The following ANKS1B variants were observed in gnomAD, a reference collection of about 807,000 sequenced individuals.
ANKS1B encodes ankyrin repeat and sterile alpha motif domain containing 1B, also known as ankyrin repeat and sterile alpha motif domain-containing protein 1B.
ANKS1B carries 36 observed loss-of-function variants against 148.3 expected under a neutral mutation model. That is an observed-to-expected ratio of 0.24 (90% CI 0.19 to 0.32). The LOEUF (loss-of-function observed/expected upper bound fraction) is 0.32. Ranked by LOEUF, ANKS1B falls within the 10% of genes least tolerant of loss-of-function variation. ANKS1B has a pLI of 1.00. For missense variants in ANKS1B, 1,157 were observed against 1,542.6 expected, an observed-to-expected ratio of 0.75 and a Z score of 4.19; for synonymous variants, 542 against 560.8, an observed-to-expected ratio of 0.97 and a Z score of 0.47.
chr12:99,729,893 T>C (rs769668484), intron 8 of ANKS1B, among the ~76,000 whole-genome samples: 8 of 152,252 alleles, frequency 5.3e-5, no homozygotes, highest in African/African-American at 7.2e-5. Flanking sequence ...TTTTTGCATA[T>C]AAGTTTGTCA....
At chr12:99,883,537 T>C (rs2092650432) in intron 1 of ANKS1B, among the ~76,000 whole-genome samples, 1 of 151,784 alleles carries the variant, frequency 6.6e-6, no homozygotes, top group Admixed American at 6.6e-5. Flanking sequence ...TTTTGATAAA[T>C]TGGACATCAT....
intron 8 of ANKS1B, among the ~76,000 whole-genome samples, chr12:99,766,713 T>C (rs551960246): frequency 2.0e-4 from 31 of 152,284 alleles, no homozygotes; most frequent in South Asian, 4.1e-4. Context: ...CTTTTGAACA[T>C]TGTATACCAC....
intron 8 of ANKS1B, among the ~76,000 whole-genome samples, chr12:99,711,989 A>G (rs2056701903): frequency 6.6e-6 from 1 of 152,210 alleles, no homozygotes; most frequent in Non-Finnish European, 1.5e-5. Context: ...TATGCTACCT[A>G]TACACCATGG....
intron 15 of ANKS1B, among the ~76,000 whole-genome samples, chr12:99,095,467 TGA>T (rs1158416406): frequency 1.1e-4 from 16 of 152,144 alleles, no homozygotes; most frequent in African/African-American, 3.9e-4. Context: ...TCAGAGAAGG[TGA>T]CAGCGATGGG....
At chr12:98,978,508 C>T (rs1421198531) in intron 17 of ANKS1B, among the ~76,000 whole-genome samples, 2 of 151,882 alleles carry the variant, frequency 1.3e-5, no homozygotes, top group African/African-American at 4.8e-5. Flanking sequence ...GTGTGTTTAT[C>T]TTGCTTGAGG....
intron 1 of ANKS1B, among the ~76,000 whole-genome samples, chr12:99,877,692 G>A (rs780700150): frequency 2.0e-4 from 31 of 152,090 alleles, no homozygotes; most frequent in Non-Finnish European, 3.2e-4. Context: ...GGGGCTTTTC[G>A]GCTTCTCAAA....
At chr12:99,001,971 T>C (rs762679128) in intron 17 of ANKS1B, among the ~76,000 whole-genome samples, 7 of 152,222 alleles carry the variant, frequency 4.6e-5, no homozygotes, top group Non-Finnish European at 7.3e-5. Flanking sequence ...TTGTTGCAAA[T>C]GGCAGGATTT....
At chr12:99,023,194 A>G (rs980098609) in intron 17 of ANKS1B, among the ~76,000 whole-genome samples, 1 of 152,064 alleles carries the variant, frequency 6.6e-6, no homozygotes, top group African/African-American at 2.4e-5. Context: ...CTTGATTTAC[A>G]TGGCCAATGT....
chr12:99,642,949 A>G (rs942914080), intron 9 of ANKS1B, among the ~76,000 whole-genome samples: 1 of 152,104 alleles, frequency 6.6e-6, no homozygotes, highest in Non-Finnish European at 1.5e-5. Flanking sequence ...TTTCCTCATC[A>G]TATCACACTA....
intron 17 of ANKS1B, among the ~76,000 whole-genome samples, chr12:98,901,162 C>T (rs543521760): frequency 9.9e-5 from 15 of 152,202 alleles, no homozygotes; most frequent in African/African-American, 3.1e-4. Flanking sequence ...ATTTACAGAA[C>T]GAGTGAAAGA....
chr12:99,111,437 C>T (rs1293323408), intron 15 of ANKS1B, among the ~76,000 whole-genome samples: 1 of 152,086 alleles, frequency 6.6e-6, no homozygotes, highest in Admixed American at 6.6e-5. Context: ...TTTGGCTTTG[C>T]ATCCAGAGAA....
chr12:98,844,018 A>C (rs1168784038), intron 17 of ANKS1B, among the ~76,000 whole-genome samples: 2 of 152,214 alleles, frequency 1.3e-5, no homozygotes, highest in Non-Finnish European at 2.9e-5. Flanking sequence ...ATGTATTAAC[A>C]GAATGGACAT....
chr12:98,910,455 T>G (rs1341781211), intron 17 of ANKS1B, among the ~76,000 whole-genome samples: 1 of 152,210 alleles, frequency 6.6e-6, no homozygotes, highest in Non-Finnish European at 1.5e-5. Context: ...CTGAAATGTA[T>G]TTAATTATCA....
intron 17 of ANKS1B, among the ~76,000 whole-genome samples, chr12:98,918,774 T>C (rs757393139): frequency 6.6e-6 from 1 of 152,232 alleles, no homozygotes; most frequent in Non-Finnish European, 1.5e-5. Flanking sequence ...AGTAACTACC[T>C]TTTTAATTGT....
chr12:99,088,369 A>G (rs1403685826), intron 15 of ANKS1B, among the ~76,000 whole-genome samples: 3 of 152,178 alleles, frequency 2.0e-5, no homozygotes, highest in Admixed American at 6.5e-5. Context: ...TCACCCACCA[A>G]ATGAAGCAGT....
chr12:98,959,464 A>C (rs1168045310), intron 17 of ANKS1B, among the ~76,000 whole-genome samples: 2 of 152,196 alleles, frequency 1.3e-5, no homozygotes. Flanking sequence ...ATTTGCTCCA[A>C]GGCCAGTCAT....
intron 17 of ANKS1B, among the ~76,000 whole-genome samples, chr12:98,861,819 G>A (rs868819439): frequency 6.6e-6 from 1 of 152,114 alleles, no homozygotes; most frequent in South Asian, 2.1e-4. Flanking sequence ...GAAAAACTGG[G>A]GCTGAATCCT....
chr12:99,369,849 CAGATAGATAGATAGATAGAT>C (rs35658536), intron 12 of ANKS1B, among the ~76,000 whole-genome samples: 5 of 145,520 alleles, frequency 3.4e-5, no homozygotes, highest in Non-Finnish European at 6.0e-5. Flanking sequence ...CAGACAGAGA[CAGATAGATAGATAGATAGAT>C]AGATAGATAG....
chr12:99,932,799 T>C (rs1007813064), intron 1 of ANKS1B, among the ~76,000 whole-genome samples: 1 of 152,172 alleles, frequency 6.6e-6, no homozygotes, highest in African/African-American at 2.4e-5. Context: ...ATGTTTGCTT[T>C]GGTTGCCTGT....
Sources: allele counts gnomAD v4.1 joint callset (sites outside exome capture counted in the v4.1 genomes callset), GRCh38; gene constraint gnomAD v4.1.1; transcripts MANE v1.5; gene names NCBI Gene and HGNC (gene_info 2026-07-23, HGNC 2026-07-21).